Variants in DNAH3 observed in about 807,000 individuals in gnomAD.
DNAH3 encodes dynein axonemal heavy chain 3, also known as axonemal beta dynein heavy chain 3.
A neutral mutation model predicts 432.5 loss-of-function variants in DNAH3; 332 were observed. That is an observed-to-expected ratio of 0.77 (90% CI 0.70 to 0.84). DNAH3 has a LOEUF of 0.84. Among genes scored for constraint, DNAH3 ranks in the 40% least tolerant of loss-of-function variants. DNAH3 has a pLI of 0.00. For synonymous variants in DNAH3, 1,956 were observed against 1,900.2 expected, an observed-to-expected ratio of 1.03 and a Z score of -0.76; for missense variants, 4,861 against 5,114.0, an observed-to-expected ratio of 0.95 and a Z score of 1.51.
chr16:20,987,016 TA>T (rs979534282), intron 47 of DNAH3, among the ~76,000 whole-genome samples: 82 of 152,314 alleles, frequency 5.4e-4, no homozygotes, highest in Middle Eastern at 6.8e-3. Flanking sequence ...TAATTGATCC[TA>T]AAAATGCATT....
chr16:21,107,526 C>T (rs139296826), intron 14 of DNAH3, among the ~76,000 whole-genome samples: 8 of 152,202 alleles, frequency 5.3e-5, no homozygotes, highest in African/African-American at 1.9e-4. Context: ...AGGCATGAGC[C>T]ACCGCACCCA....
chr16:20,976,510 C>G (rs1409563416), intron 50 of DNAH3, among the ~76,000 whole-genome samples: 3 of 152,134 alleles, frequency 2.0e-5, no homozygotes, highest in Admixed American at 1.3e-4. Flanking sequence ...TTTTTTAAAG[C>G]TACATTTTTT....
intron 57 of DNAH3, 115 bp from the exon 58 acceptor site, chr16:20,944,778 C>CACAA (rs1249972779): frequency 6.1e-6 from 2 of 326,064 alleles, no homozygotes; most frequent in African/African-American, 2.2e-5. Flanking sequence ...TAGCACAGGA[C>CACAA]ACACACACAC....
chr16:21,009,905 G>A (rs1567630580), intron 41 of DNAH3, among the ~76,000 whole-genome samples: 1 of 126,602 alleles, frequency 7.9e-6, no homozygotes, highest in Non-Finnish European at 1.7e-5. Flanking sequence ...GAGGAGAGGA[G>A]AGGAGAGGAG....
intron 32 of DNAH3, among the ~76,000 whole-genome samples, chr16:21,041,614 A>G (rs2089445804): frequency 1.3e-5 from 2 of 152,096 alleles, no homozygotes; most frequent in African/African-American, 4.8e-5. Flanking sequence ...CTTCCACCCA[A>G]GGGGATGGAG....
intron 20 of DNAH3, among the ~76,000 whole-genome samples, chr16:21,078,157 C>T (rs908947396): frequency 1.3e-5 from 2 of 151,852 alleles, no homozygotes; most frequent in African/African-American, 2.4e-5. Context: ...CGCCTGTAAT[C>T]CCAGCTACTC....
intron 25 of DNAH3, among the ~76,000 whole-genome samples, chr16:21,061,110 A>C (rs1232659149): frequency 6.6e-6 from 1 of 151,896 alleles, no homozygotes; most frequent in Admixed American, 6.6e-5. Flanking sequence ...AAGTGCTGGG[A>C]TTACAGGTGT....
chr16:21,131,680 T>C (rs1396985182), intron 7 of DNAH3, among the ~76,000 whole-genome samples: 4 of 150,980 alleles, frequency 2.6e-5, no homozygotes, highest in Non-Finnish European at 5.9e-5. Flanking sequence ...AGAAACCCTG[T>C]CTCTACTAAA....
At chr16:21,125,238 C>T (rs775094404) in exon 9 of DNAH3, 18 of 1,613,664 alleles carry the variant, frequency 1.1e-5, no homozygotes, top group East Asian at 2.2e-5. Context: ...CCCTAAGCTG[C>T]AGCGACATGA....
chr16:21,040,740 T>C (rs2089407423), intron 32 of DNAH3, among the ~76,000 whole-genome samples: 1 of 152,142 alleles, frequency 6.6e-6, no homozygotes, highest in African/African-American at 2.4e-5. Flanking sequence ...TAGATCTCTA[T>C]TCTTTCATCT....
intron 7 of DNAH3, among the ~76,000 whole-genome samples, chr16:21,131,228 T>C (rs2092549975): frequency 1.3e-5 from 2 of 152,090 alleles, no homozygotes; most frequent in East Asian, 3.9e-4. Context: ...TCCCAGCTAC[T>C]TGGGAGGCTG....
At position 20,954,875 on chromosome 16, in the gene DNAH3, A is replaced by G. The variant is rs769265488; in HGVS notation, c.11009T>C (p.Met3670Thr). 4.3e-6 allele frequency: 7 copies of G among 1,614,130 alleles called. 1 individual carries two copies. Among genetic ancestry groups the G allele is most frequent in the Middle Eastern group, 1.6e-4 (1 of 6,062 alleles). Residue 3670 changes from methionine (M) to threonine (T), a missense_variant, in exon 55 of 62, where the codon ATG (methionine) becomes ACG (threonine). Met to Thr is a moderately conservative substitution (Grantham distance 81). Transcript: ENST00000261383. ...GTGGAAGAAACAAAGGCCAAATAAC[A>G]TCTTTTGCCACATCACCGCCTTTGC...
chr16:21,019,543 CCTGTCTGCACATT>C lies in DNAH3; in HGVS notation c.6022+68_6022+80del, dbSNP rs2088041320. The C allele has an allele frequency of 3.9e-6, 6 of 1,535,598 alleles. No individual in the cohort carries two copies. In the East Asian group the frequency reaches 1.4e-4, roughly 35 times the overall value. Reference sequence around the variant, plus strand: ...TTCTGTGGCTTTTGTAAAGGGCTCACCTGTCTGCACATTCTGGTTGTGTTTAGAACACGTAATT... The same window carrying C: ...TTCTGTGGCTTTTGTAAAGGGCTCACCTGGTTGTGTTTAGAACACGTAATT... On this transcript the variant is annotated intron_variant, in intron 41 of 61. Coordinates refer to ENST00000261383, the Ensembl canonical transcript of DNAH3.
chr16:20,979,529 T>G lies in DNAH3; in HGVS notation c.7877A>C (p.Lys2626Thr), dbSNP rs368985757. ...CTTCTTGACGCTCTCTTGGAAATAT[T>G]TGCACATGGACACGACCCTGCCGAG... is the stretch of plus-strand genomic sequence containing the variant. The change falls in exon 50 of 62, where the codon AAA (lysine) becomes ACA (threonine). Residue 2626 changes from lysine (K) to threonine (T), a missense_variant. Coordinates refer to ENST00000261383, the Ensembl canonical transcript of DNAH3. 3 of 1,613,988 alleles carry G rather than the reference T, an allele frequency of 1.9e-6. No individual in the cohort carries two copies. The highest frequency in any genetic ancestry group is 1.7e-6 in the Non-Finnish European group (2 of 1,180,032).
chr16:21,106,604 A>G, exon 15 of DNAH3: 1 of 1,610,938 alleles, frequency 6.2e-7, no homozygotes, highest in Non-Finnish European at 8.5e-7. Context: ...TCAATGAGGG[A>G]TACCAGCTCC....
At chr16:20,958,269 T>C (rs1050628425) in intron 54 of DNAH3, among the ~76,000 whole-genome samples, 4 of 152,058 alleles carry the variant, frequency 2.6e-5, no homozygotes, top group Non-Finnish European at 5.9e-5. Flanking sequence ...AGATGGGGTT[T>C]TGCCATGTTG....
chr16:21,097,476 T>C (rs1481796392), exon 18 of DNAH3: 1 of 1,613,780 alleles, frequency 6.2e-7, no homozygotes, highest in East Asian at 2.2e-5. Flanking sequence ...CCTTTTCCAA[T>C]AGCTCTTCCT....
At chr16:20,936,602 C>A (rs900299734) in intron 60 of DNAH3, 47 bp downstream of exon 60, 2 of 1,528,512 alleles carry the variant, frequency 1.3e-6, no homozygotes, top group Non-Finnish European at 1.8e-6. Context: ...GTCCTCTCCA[C>A]CTAAGCAAGC....
In DNAH3 at chr16:21,106,741, T is replaced by C; in HGVS notation, c.2100-67A>G. On this transcript the variant is annotated intron_variant, in intron 14 of 61. Coordinates refer to ENST00000261383, the Ensembl canonical transcript of DNAH3. The stretch of plus-strand genomic sequence containing the variant: ...CCATCATCACCATCTAAAATGACTT[T>C]CTTGTAAGACTCCATGTTCAAAATA... The C allele has an allele frequency of 3.9e-6, 5 of 1,293,758 alleles. No individual in the cohort carries two copies. In the South Asian group the frequency reaches 1.3e-4, roughly 33 times the overall value. 80.1% of individuals were successfully genotyped at this position (1,293,758 alleles called of 1,614,324 possible).
Sources: gnomAD v4.1 joint callset for allele counts (sites outside exome capture counted in the v4.1 genomes callset) on GRCh38, gnomAD v4.1.1 for gene constraint, MANE v1.5 for transcripts, NCBI Gene and HGNC (gene_info 2026-07-23, HGNC 2026-07-21) for gene names.